DIXDC1: variants seen among roughly 807,000 people sequenced by gnomAD.
DIXDC1 encodes the protein DIX domain containing 1.
Under a neutral mutation model 103.1 loss-of-function variants are expected in DIXDC1, and 64 were observed. The ratio of observed to expected loss-of-function variants is 0.62; its 90% CI spans 0.51 to 0.76. The LOEUF (loss-of-function observed/expected upper bound fraction) is 0.76, where lower values mean the gene tolerates loss of function less well. DIXDC1 is among the 30% of genes least tolerant of loss of function. The pLI is 0.00. For synonymous variants in DIXDC1, 266 were observed against 298.5 expected, an observed-to-expected ratio of 0.89 and a Z score of 1.12; for missense variants, 759 against 834.2, an observed-to-expected ratio of 0.91 and a Z score of 1.11.
At position 111,974,858 on chromosome 11, in the gene DIXDC1, G is replaced by T; in HGVS notation, c.549-18G>T. 1 of 1,611,456 alleles carries T rather than the reference G, an allele frequency of 6.2e-7. No individual in the cohort carries two copies. The highest frequency in any genetic ancestry group is 1.1e-5 in the South Asian group (1 of 90,420). ...GAAGGACTGACACCTTCCCTTTGCT[G>T]GGGTCCTTTGACTTTAGGAACAGCA... On this transcript the variant is annotated intron_variant, in intron 4 of 19. Transcript: ENST00000440460.
chr11:111,940,868 T>TTTGTCA (rs1966395124), intron 1 of DIXDC1, among the ~76,000 whole-genome samples: 1 of 152,224 alleles, frequency 6.6e-6, no homozygotes, highest in Non-Finnish European at 1.5e-5. Flanking sequence ...TCTGAATTAC[T>TTTGTCA]GTGTTTGCCA....
At chr11:111,995,981 A>G in intron 16 of DIXDC1, 99 bp from the exon 17 acceptor site, 1 of 1,028,848 alleles carries the variant, frequency 9.7e-7, no homozygotes, top group Non-Finnish European at 1.5e-6. Flanking sequence ...GAGATGGTAG[A>G]AAAGTATGTA....
chr11:111,933,382 G>A (rs73560056), upstream of DIXDC1, among the ~76,000 whole-genome samples: 4,741 of 152,188 alleles, frequency 0.031, 229 homozygotes, highest in African/African-American at 0.098. Context: ...CCCGCCTTCC[G>A]CCTTGGCCTT....
chr11:111,975,175 C>T, intron 5 of DIXDC1, 192 bp downstream of exon 5: 3 of 1,386,996 alleles, frequency 2.2e-6, no homozygotes, highest in Non-Finnish European at 2.8e-6. Flanking sequence ...GGGTGGGGTG[C>T]TGGTTTATTT....
chr11:111,964,539 T>G lies in DIXDC1; in HGVS notation c.61-10T>G, dbSNP rs1308664270. On this transcript the variant is annotated splice_polypyrimidine_tract_variant and intron_variant, in intron 1 of 19. Transcript: ENST00000440460. Reference sequence around the variant, plus strand: ...CTCTCTTTCCCTTACTTATATCTTTTATTTTCCAGCAACAGCTGCAGGCCT... The same window carrying G: ...CTCTCTTTCCCTTACTTATATCTTTGATTTTCCAGCAACAGCTGCAGGCCT... The G allele has an allele frequency of 6.3e-7, 1 of 1,585,474 alleles. No individual in the cohort carries two copies. Among genetic ancestry groups the G allele is most frequent in the Admixed American group, 1.8e-5 (1 of 55,060 alleles).
At chr11:111,947,827 C>A (rs1310364006) in intron 1 of DIXDC1, among the ~76,000 whole-genome samples, 1 of 152,036 alleles carries the variant, frequency 6.6e-6, no homozygotes, top group Non-Finnish European at 1.5e-5. Flanking sequence ...TTTTTTTCAT[C>A]AATGATTTAA....
chr11:111,960,362 G>A (rs1406766496), intron 1 of DIXDC1, among the ~76,000 whole-genome samples: 1 of 151,418 alleles, frequency 6.6e-6, no homozygotes, highest in Non-Finnish European at 1.5e-5. Flanking sequence ...TTGGGAGGCC[G>A]AGGTGGGTGG....
chr11:111,991,509 A>G (rs1555174534), intron 10 of DIXDC1, among the ~76,000 whole-genome samples: 1 of 152,160 alleles, frequency 6.6e-6, no homozygotes, highest in South Asian at 2.1e-4. Context: ...CAGAGTCTGT[A>G]CCCTTTCTTT....
At position 111,963,788 on chromosome 11, in the gene DIXDC1, C is replaced by T. The variant is rs1859647149; in HGVS notation, c.61-761C>T. ...GAGTTGTATGTCCCTACGTAGATGC[C>T]TGACCAGTTTCTGATAATACTGGGC... On this transcript the variant is annotated intron_variant, in intron 1 of 19. Coordinates refer to ENST00000440460, the MANE Select transcript of DIXDC1 (RefSeq NM_001037954.4). Among the ~76,000 whole-genome samples, 6 of 152,146 alleles carry T rather than the reference C, an allele frequency of 3.9e-5. No individual in the cohort carries two copies. The South Asian group carries it at 6.2e-4, about 16-fold the overall frequency.
intron 11 of DIXDC1, 26 bp downstream of exon 11, chr11:111,992,545 C>G (rs781965088): frequency 6.5e-7 from 1 of 1,538,992 alleles, no homozygotes; most frequent in South Asian, 1.2e-5. Context: ...GAGCCTTGAC[C>G]TCAGTGAGCC....
At chr11:111,938,151 G>A (rs1435343832) in intron 1 of DIXDC1, among the ~76,000 whole-genome samples, 2 of 152,208 alleles carry the variant, frequency 1.3e-5, no homozygotes, top group African/African-American at 4.8e-5. Context: ...GGGAGCCAGC[G>A]CGTGCACCGG....
intron 19 of DIXDC1, among the ~76,000 whole-genome samples, chr11:112,018,455 T>C (rs782027844): frequency 1.3e-5 from 2 of 152,218 alleles, no homozygotes; most frequent in African/African-American, 2.4e-5. Context: ...AAAGTTATTA[T>C]AGAGAAAGTA....
At chr11:111,993,037 C>T in intron 12 of DIXDC1, 33 bp downstream of exon 12, 1 of 1,575,370 alleles carries the variant, frequency 6.3e-7, no homozygotes, top group Non-Finnish European at 8.6e-7. Context: ...AAATGACTTC[C>T]ACTGACTTTT....
In DIXDC1 at chr11:111,929,764, AT is replaced by A. The variant is rs5794769; in HGVS notation, c.-36-44del. ...CCCAACTCGGTTAGTTGAGCTTTAA[AT>A]TTTTTTTTTCCTGGCTTGTTATTTT... On this transcript the variant is annotated intron_variant, in intron 1 of 5. Coordinates refer to the DIXDC1 transcript ENST00000529225. 648 of 1,132,912 alleles carry A rather than the reference AT, an allele frequency of 5.7e-4. 1 individual carries two copies. Among genetic ancestry groups the A allele is most frequent in the Middle Eastern group, 8.0e-4 (4 of 4,996 alleles). The allele number at this position is 1,132,912 out of a possible 1,614,324, so 70.2% of individuals were successfully genotyped here.
At chr11:112,013,358 T>G in intron 17 of DIXDC1, among the ~76,000 whole-genome samples, 1 of 147,410 alleles carries the variant, frequency 6.8e-6, no homozygotes, top group African/African-American at 2.5e-5. Context: ...ATTCAGTCCA[T>G]AGCAATATTA....
At chr11:111,992,287 T>G in intron 10 of DIXDC1, 128 bp from the exon 11 acceptor site, 3 of 810,386 alleles carry the variant, frequency 3.7e-6, no homozygotes, top group Non-Finnish European at 5.8e-6. Flanking sequence ...GCAAGACCCT[T>G]TACCCCATTT....
Position 111,937,427 on chromosome 11 carries a change from G to A in DIXDC1, c.-73G>A. ...TGAGCTGAGCCGAGAGCCTTTGTGT[G>A]CAGAGGGAGGAGGAGGAGGCGGCGG... On this transcript the variant is annotated 5_prime_UTR_variant, in exon 1 of 20. Transcript: ENST00000440460. 1 of 1,541,946 alleles carries A rather than the reference G, an allele frequency of 6.5e-7. No individual in the cohort carries two copies. Among genetic ancestry groups the A allele is most frequent in the Non-Finnish European group, 8.7e-7 (1 of 1,143,416 alleles).
upstream of DIXDC1, among the ~76,000 whole-genome samples, chr11:111,932,415 G>A (rs1178432082): frequency 6.6e-6 from 1 of 151,308 alleles, no homozygotes; most frequent in East Asian, 2.0e-4. Flanking sequence ...CCAGGAATAG[G>A]TTAAAAAAAT....
intron 3 of DIXDC1, among the ~76,000 whole-genome samples, chr11:111,969,675 T>C (rs1161553561): frequency 6.6e-6 from 1 of 152,204 alleles, no homozygotes; most frequent in East Asian, 1.9e-4. Context: ...TCAGCGTCAG[T>C]TCCTGGGTCT....
Sources: gnomAD v4.1 joint callset for allele counts (sites outside exome capture counted in the v4.1 genomes callset) on GRCh38, gnomAD v4.1.1 for gene constraint, MANE v1.5 for transcripts, NCBI Gene and HGNC (gene_info 2026-07-23, HGNC 2026-07-21) for gene names.